The following TMCC1 variants were observed in gnomAD, a reference collection of about 807,000 sequenced individuals.
TMCC1 encodes transmembrane and coiled-coil domain family 1.
TMCC1 carries 15 observed loss-of-function variants against 52.4 expected under a neutral mutation model. The observed-to-expected ratio is 0.29, with a 90% CI of 0.19 to 0.44. The LOEUF (loss-of-function observed/expected upper bound fraction) is 0.44. TMCC1 is among the 20% of genes least tolerant of loss of function. The pLI, the probability that TMCC1 is intolerant of heterozygous loss-of-function variation, is 1.00. For missense variants in TMCC1, 503 were observed against 806.0 expected (o/e 0.62, Z 4.55); for synonymous variants, 279 against 301.9 (o/e 0.92, Z 0.79).
At chr3:129,829,433 T>C (rs1164782588) in intron 3 of TMCC1, among the ~76,000 whole-genome samples, 1 of 91,418 alleles carries the variant, frequency 1.1e-5, no homozygotes, top group African/African-American at 4.4e-5. Flanking sequence ...GCAACTGCCA[T>C]GGTTACTAAA....
intron 2 of TMCC1, chr3:129,847,125 C>T (rs1394474441): frequency 1.3e-5 from 2 of 151,924 alleles, no homozygotes; most frequent in Non-Finnish European, 2.9e-5. Context: ...CAGGACCTTA[C>T]AAAAGTAGGT....
chr3:129,874,636 T>C (rs1436122694), intron 2 of TMCC1, among the ~76,000 whole-genome samples: 1 of 152,164 alleles, frequency 6.6e-6, no homozygotes, highest in East Asian at 1.9e-4. Flanking sequence ...GTGGAATGAC[T>C]GCTTGAGACT....
chr3:129,801,724 C>T (rs142877104), intron 4 of TMCC1, among the ~76,000 whole-genome samples: 17 of 152,284 alleles, frequency 1.1e-4, no homozygotes, highest in East Asian at 9.7e-4. Flanking sequence ...CGTGAACCAC[C>T]GCGCCCGGCC....
chr3:129,884,238 A>G (rs889554402), intron 1 of TMCC1, among the ~76,000 whole-genome samples: 8 of 152,214 alleles, frequency 5.3e-5, no homozygotes, highest in African/African-American at 1.9e-4. Context: ...GGTAAAATAT[A>G]TGAATAAACA....
chr3:129,763,236 AAATAAATAAATAAAT>A (rs2053780350), intron 4 of TMCC1, among the ~76,000 whole-genome samples: 4 of 145,064 alleles, frequency 2.8e-5, no homozygotes, highest in African/African-American at 1.0e-4. Flanking sequence ...ATAAATAAAT[AAATAAATAAATAAAT>A]ATCATTATAT....
At chr3:129,887,339 C>T (rs182779589) in intron 1 of TMCC1, among the ~76,000 whole-genome samples, 1 of 151,920 alleles carries the variant, frequency 6.6e-6, no homozygotes, top group Non-Finnish European at 1.5e-5. Context: ...GTCAAGAGAT[C>T]GAGACCACCC....
At chr3:129,730,943 A>G (rs947111568) in intron 4 of TMCC1, among the ~76,000 whole-genome samples, 7 of 152,258 alleles carry the variant, frequency 4.6e-5, no homozygotes, top group Non-Finnish European at 8.8e-5. Flanking sequence ...CCAAACATTC[A>G]TTACAAATAA....
chr3:129,717,674 C>A (rs1261658468), intron 4 of TMCC1, among the ~76,000 whole-genome samples: 1 of 152,196 alleles, frequency 6.6e-6, no homozygotes. Flanking sequence ...TTCTTTCATA[C>A]CTTACATCCA....
At chr3:129,770,019 G>T (rs1215096920) in intron 4 of TMCC1, among the ~76,000 whole-genome samples, 1 of 152,078 alleles carries the variant, frequency 6.6e-6, no homozygotes, top group Non-Finnish European at 1.5e-5. Context: ...TTTGTCACGT[G>T]TCACAAATTC....
At chr3:129,656,100 T>A (rs1028671696) in intron 5 of TMCC1, among the ~76,000 whole-genome samples, 1 of 152,188 alleles carries the variant, frequency 6.6e-6, no homozygotes, top group Non-Finnish European at 1.5e-5. Context: ...AGTCACATGA[T>A]GAATATGTGT....
At chr3:129,688,547 G>A (rs2089577669) in intron 4 of TMCC1, 5 of 985,510 alleles carry the variant, frequency 5.1e-6, no homozygotes, top group Non-Finnish European at 6.0e-6. Context: ...CCCTCGCATA[G>A]CCAATCCTCC....
At chr3:129,799,549 G>A (rs922678345) in intron 4 of TMCC1, among the ~76,000 whole-genome samples, 1 of 152,146 alleles carries the variant, frequency 6.6e-6, no homozygotes, top group East Asian at 1.9e-4. Flanking sequence ...GGTGGCTCAC[G>A]CTTGTAGTCC....
chr3:129,693,644 C>T (rs540871027), intron 4 of TMCC1, among the ~76,000 whole-genome samples: 152 of 151,862 alleles, frequency 1.0e-3, no homozygotes, highest in African/African-American at 3.4e-3. Flanking sequence ...AACACTGTGC[C>T]CATCCCATGT....
At chr3:129,731,734 C>T (rs2050560444) in intron 4 of TMCC1, among the ~76,000 whole-genome samples, 2 of 152,070 alleles carry the variant, frequency 1.3e-5, no homozygotes, top group South Asian at 4.1e-4. Context: ...CATCCTCCCA[C>T]CTCAGCCTCC....
chr3:129,830,553 G>A (rs546053231), intron 3 of TMCC1, among the ~76,000 whole-genome samples: 147 of 152,310 alleles, frequency 9.7e-4, no homozygotes, highest in African/African-American at 3.0e-3. Flanking sequence ...TTTAGATCCT[G>A]AGAAGATGGG....
At chr3:129,737,202 C>T (rs113543412) in intron 4 of TMCC1, among the ~76,000 whole-genome samples, 1 of 152,108 alleles carries the variant, frequency 6.6e-6, no homozygotes, top group East Asian at 1.9e-4. Flanking sequence ...CGTGGTGGCT[C>T]ACACCTGTAA....
chr3:129,889,745 G>A (rs937335699), intron 1 of TMCC1, among the ~76,000 whole-genome samples: 1 of 151,978 alleles, frequency 6.6e-6, no homozygotes, highest in Non-Finnish European at 1.5e-5. Flanking sequence ...GTCGCAGAGT[G>A]AAGACAAATG....
In TMCC1 at chr3:129,790,411, A is replaced by C. The variant is rs188247240; in HGVS notation, c.576+37392T>G. Among the ~76,000 whole-genome samples, 7 of 152,346 alleles carry C rather than the reference A, an allele frequency of 4.6e-5. No individual in the cohort carries two copies. In the East Asian group the frequency reaches 1.3e-3, roughly 29 times the overall value. On this transcript the variant is annotated intron_variant, in intron 4 of 6. Coordinates refer to ENST00000393238, the MANE Select transcript of TMCC1 (RefSeq NM_001017395.5). Reference sequence around the variant, plus strand: ...GTTACCTACAGAGATAGGGGTATGAACTACACGAAATGACACAGCCAGAAG... The same window carrying C: ...GTTACCTACAGAGATAGGGGTATGACCTACACGAAATGACACAGCCAGAAG...
chr3:129,706,146 C>T (rs1330281074), intron 4 of TMCC1, among the ~76,000 whole-genome samples: 1 of 151,048 alleles, frequency 6.6e-6, no homozygotes, highest in African/African-American at 2.4e-5. Flanking sequence ...CCACCTCGGC[C>T]TCCCAAAGTA....
Sources: gnomAD v4.1 joint callset for allele counts (sites outside exome capture counted in the v4.1 genomes callset) on GRCh38, gnomAD v4.1.1 for gene constraint, MANE v1.5 for transcripts, NCBI Gene and HGNC (gene_info 2026-07-23, HGNC 2026-07-21) for gene names.